Variants in CAMK2B observed in about 807,000 individuals in gnomAD.
CAMK2B encodes the protein calcium/calmodulin-dependent protein kinase type II subunit beta.
In CAMK2B, 27 loss-of-function variants were observed where a neutral mutation model predicts 93.7. That is an observed-to-expected ratio of 0.29 (90% CI 0.21 to 0.40). CAMK2B has a LOEUF of 0.40. CAMK2B is among the 10% of genes least tolerant of loss of function. The probability of loss-of-function intolerance (pLI) is 1.00; values close to 1 mark genes in which losing one functional copy is unlikely to be tolerated. For missense variants in CAMK2B, 568 were observed against 895.8 expected, an observed-to-expected ratio of 0.63 and a Z score of 4.67; for synonymous variants, 374 against 358.8, an observed-to-expected ratio of 1.04 and a Z score of -0.48.
intron 2 of CAMK2B, among the ~76,000 whole-genome samples, chr7:44,276,757 T>C (rs2097048716): frequency 6.6e-6 from 1 of 152,194 alleles, no homozygotes; most frequent in Non-Finnish European, 1.5e-5. Flanking sequence ...CAGCCCCACC[T>C]GGGAGCCCCA....
chr7:44,241,210 G>A (rs1272610485), intron 11 of CAMK2B, among the ~76,000 whole-genome samples: 5 of 152,188 alleles, frequency 3.3e-5, no homozygotes, highest in Non-Finnish European at 7.3e-5. Context: ...GACTGCCAGT[G>A]TGCGGTCACC....
intron 1 of CAMK2B, among the ~76,000 whole-genome samples, chr7:44,285,135 G>T (rs1687398331): frequency 6.6e-6 from 1 of 152,254 alleles, no homozygotes; most frequent in Admixed American, 6.5e-5. Context: ...GGGAGCCACA[G>T]AGTCTATGAG....
chr7:44,228,214 T>G (rs2096538850), intron 19 of CAMK2B, among the ~76,000 whole-genome samples: 1 of 151,902 alleles, frequency 6.6e-6, no homozygotes, highest in Non-Finnish European at 1.5e-5. Flanking sequence ...CCTGGCCCCA[T>G]GAGGACAGCC....
At position 44,275,092 on chromosome 7, in the gene CAMK2B, G is replaced by A. The variant is rs187054539; in HGVS notation, c.160+9039C>T. Among the ~76,000 whole-genome samples, 356 of 152,280 alleles carry A rather than the reference G, an allele frequency of 2.3e-3. 2 individuals carry two copies. Among genetic ancestry groups the A allele is most frequent in the African/African-American group, 8.1e-3 (337 of 41,556 alleles). ...CTGCAAGATGAGTGGCTGGAAATGC[G>A]GAAGGACGCAAAGGGGTCCTCCGTG... On this transcript the variant is annotated intron_variant, in intron 2 of 23. Coordinates refer to ENST00000395749, the MANE Select transcript of CAMK2B (RefSeq NM_001220.5).
rs535535174 is a variant in CAMK2B at position 44,288,443 on chromosome 7, G to A, written c.66-4218C>T. Among the ~76,000 whole-genome samples the A allele has an allele frequency of 4.6e-5, 7 of 152,340 alleles. No individual in the cohort carries two copies. In the East Asian group the frequency reaches 1.4e-3, roughly 29 times the overall value. ...AAGGCAGGAAAAAGCCGGAAGAGGT[G>A]CTCCTACGGGATCCCAGGTCGCTGT... On this transcript the variant is annotated intron_variant, in intron 1 of 23. Transcript: ENST00000395749.
At chr7:44,236,711 C>G (rs1401270210) in intron 13 of CAMK2B, among the ~76,000 whole-genome samples, 1 of 152,178 alleles carries the variant, frequency 6.6e-6, no homozygotes, top group Non-Finnish European at 1.5e-5. Flanking sequence ...CCCCACAGTC[C>G]CCTCTCCTGT....
chr7:44,266,749 G>A (rs1048904903), intron 2 of CAMK2B, among the ~76,000 whole-genome samples: 1 of 152,212 alleles, frequency 6.6e-6, no homozygotes, highest in African/African-American at 2.4e-5. Context: ...CCTTCCTGAA[G>A]GAGGTCCCAA....
chr7:44,315,417 T>C (rs1794619827), intron 1 of CAMK2B, among the ~76,000 whole-genome samples: 1 of 152,214 alleles, frequency 6.6e-6, no homozygotes, highest in Non-Finnish European at 1.5e-5. Flanking sequence ...CTCTCAATCC[T>C]ATTTCACTGA....
chr7:44,241,883 G>T, intron 10 of CAMK2B, 100 bp from the exon 11 acceptor site: 1 of 897,106 alleles, frequency 1.1e-6, no homozygotes, highest in Admixed American at 2.1e-5. Flanking sequence ...CACTTGCCAA[G>T]AGCCACCGGC....
chr7:44,284,641 C>T (rs536137644), intron 1 of CAMK2B, among the ~76,000 whole-genome samples: 152 of 152,358 alleles, frequency 1.0e-3, no homozygotes, highest in Non-Finnish European at 1.6e-3. Flanking sequence ...CTCGGGGGCT[C>T]TGTACCACGT....
chr7:44,313,406 AAGCTAC>A (rs567114937), intron 1 of CAMK2B, among the ~76,000 whole-genome samples: 254 of 151,924 alleles, frequency 1.7e-3, no homozygotes, highest in African/African-American at 5.8e-3. Flanking sequence ...CAGTAATGGG[AAGCTAC>A]AGCCCCAGCC....
chr7:44,249,887 GCCTCCCCTGCTGAGGAGGCTCC>G (rs1219053047), intron 5 of CAMK2B, among the ~76,000 whole-genome samples: 2 of 152,040 alleles, frequency 1.3e-5, no homozygotes, highest in Non-Finnish European at 2.9e-5. Context: ...GTCCTCCTCA[GCCTCCCCTGCTGAGGAGGCTCC>G]CCTCCCCTCC....
At chr7:44,229,311 G>C in intron 18 of CAMK2B, 77 bp downstream of exon 18, 1 of 942,922 alleles carries the variant, frequency 1.1e-6, no homozygotes, top group Non-Finnish European at 1.6e-6. Flanking sequence ...GCCTGCCCTC[G>C]GCTCTGGAGT....
intron 11 of CAMK2B, among the ~76,000 whole-genome samples, chr7:44,241,482 C>G (rs2096678122): frequency 6.6e-6 from 1 of 152,228 alleles, no homozygotes; most frequent in Non-Finnish European, 1.5e-5. Context: ...GTGGCACAGA[C>G]AACTAGGAGG....
At chr7:44,315,981 C>T (rs1010132072) in intron 1 of CAMK2B, among the ~76,000 whole-genome samples, 8 of 152,074 alleles carry the variant, frequency 5.3e-5, no homozygotes, top group South Asian at 4.1e-4. Flanking sequence ...TTTCTATATA[C>T]GAAAGCATGT....
chr7:44,319,614 C>G (rs947783110), intron 1 of CAMK2B, among the ~76,000 whole-genome samples: 1 of 152,166 alleles, frequency 6.6e-6, no homozygotes, highest in Non-Finnish European at 1.5e-5. Flanking sequence ...ACAGGCCCAG[C>G]CCCTGCAGCT....
At position 44,254,046 on chromosome 7, in the gene CAMK2B, A is replaced by C. The variant is rs1043615060; in HGVS notation, c.341+496T>G. Among the ~76,000 whole-genome samples the C allele has an allele frequency of 3.3e-5, 5 of 152,072 alleles. 1 individual carries two copies. Among genetic ancestry groups the C allele is most frequent in the Non-Finnish European group, 5.9e-5 (4 of 67,998 alleles). Reference sequence around the variant, plus strand: ...CATCCTTGTCAGGTGTCAGGGTGGCATCTGGCCTGGGCCACAGCAGGCTAC... The same window carrying C: ...CATCCTTGTCAGGTGTCAGGGTGGCCTCTGGCCTGGGCCACAGCAGGCTAC... On this transcript the variant is annotated intron_variant, in intron 5 of 23. Coordinates refer to ENST00000395749, the MANE Select transcript of CAMK2B (RefSeq NM_001220.5).
chr7:44,293,480 A>G (rs1787416366), intron 1 of CAMK2B, among the ~76,000 whole-genome samples: 1 of 152,122 alleles, frequency 6.6e-6, no homozygotes, highest in Admixed American at 6.5e-5. Context: ...TTTTCCTCCC[A>G]TATGTTGACA....
At chr7:44,238,367 G>T (rs1291650894) in intron 13 of CAMK2B, among the ~76,000 whole-genome samples, 2 of 152,238 alleles carry the variant, frequency 1.3e-5, no homozygotes, top group Admixed American at 1.3e-4. Context: ...CGTAGAGGCA[G>T]CTGTCTCTCA....
Sources: allele counts gnomAD v4.1 joint callset (sites outside exome capture counted in the v4.1 genomes callset), GRCh38; gene constraint gnomAD v4.1.1; transcripts MANE v1.5; gene names NCBI Gene and HGNC (gene_info 2026-07-23, HGNC 2026-07-21).